The following PLCXD3 variants were observed in gnomAD, a reference collection of about 807,000 sequenced individuals.
The protein encoded by PLCXD3 is PI-PLC X domain-containing protein 3.
PLCXD3 carries 19 observed loss-of-function variants against 25.5 expected under a neutral mutation model. The observed-to-expected ratio is 0.75, with a 90% CI of 0.52 to 1.09. The LOEUF (loss-of-function observed/expected upper bound fraction) is 1.09, where lower values mean the gene tolerates loss of function less well. Among genes scored for constraint, PLCXD3 ranks in the 50% least tolerant of loss-of-function variants. The pLI is 0.00. For missense variants in PLCXD3, 411 were observed against 388.1 expected, an observed-to-expected ratio of 1.06 and a Z score of -0.50; for synonymous variants, 174 against 137.6, an observed-to-expected ratio of 1.26 and a Z score of -1.85.
intron 1 of PLCXD3, among the ~76,000 whole-genome samples, chr5:41,467,844 C>G (rs1211144537): frequency 6.6e-6 from 1 of 152,016 alleles, no homozygotes; most frequent in African/African-American, 2.4e-5. Flanking sequence ...TTCTTGGCAG[C>G]TTTGCCAAAA....
intron 1 of PLCXD3, among the ~76,000 whole-genome samples, chr5:41,464,418 C>T (rs1027210736): frequency 6.6e-6 from 1 of 151,922 alleles, no homozygotes; most frequent in Non-Finnish European, 1.5e-5. Context: ...AATGCATATG[C>T]TGAAAATAGA....
intron 1 of PLCXD3, among the ~76,000 whole-genome samples, chr5:41,495,828 C>T (rs2150527114): frequency 6.6e-6 from 1 of 151,236 alleles, no homozygotes; most frequent in South Asian, 2.1e-4. Context: ...GCATAAATAC[C>T]AACACAAAGG....
intron 2 of PLCXD3, among the ~76,000 whole-genome samples, chr5:41,378,357 C>A (rs563239384): frequency 6.6e-6 from 1 of 152,196 alleles, no homozygotes; most frequent in East Asian, 1.9e-4. Flanking sequence ...GGCTAAACTC[C>A]ACTGGAGAGT....
At chr5:41,428,374 G>GTTTTTTTTTTTTTTTTTTTTTTTTTTTTT (rs373244601) in intron 1 of PLCXD3, among the ~76,000 whole-genome samples, 1 of 91,600 alleles carries the variant, frequency 1.1e-5, no homozygotes, top group African/African-American at 4.0e-5. Context: ...GTTAAAATGA[G>GTTTTTTTTTTTTTTTTTTTTTTTTTTTTT]TTTTTTTGTT....
chr5:41,399,243 C>A (rs1438471230), intron 1 of PLCXD3, among the ~76,000 whole-genome samples: 1 of 152,142 alleles, frequency 6.6e-6, no homozygotes, highest in Non-Finnish European at 1.5e-5. Flanking sequence ...TTGGAAGAAT[C>A]ACTATTGTGA....
chr5:41,473,251 G>A (rs963067113), intron 1 of PLCXD3, among the ~76,000 whole-genome samples: 16 of 151,546 alleles, frequency 1.1e-4, no homozygotes, highest in Admixed American at 9.2e-4. Context: ...TAACATCTTG[G>A]GCCTTTAATG....
intron 2 of PLCXD3, 98 bp downstream of exon 2, chr5:41,381,728 A>G (rs1745466220): frequency 1.8e-6 from 2 of 1,142,314 alleles, no homozygotes; most frequent in Non-Finnish European, 2.5e-6. Flanking sequence ...CCAGGGACCT[A>G]ATATACATAG....
chr5:41,314,746 C>A (rs1405327829), intron 2 of PLCXD3, among the ~76,000 whole-genome samples: 2 of 152,026 alleles, frequency 1.3e-5, no homozygotes, highest in Admixed American at 6.6e-5. Context: ...GAAAAGGGGG[C>A]AGATTCTGTA....
At chr5:41,374,135 G>T (rs1745208803) in intron 2 of PLCXD3, among the ~76,000 whole-genome samples, 1 of 152,078 alleles carries the variant, frequency 6.6e-6, no homozygotes, top group African/African-American at 2.4e-5. Flanking sequence ...CTAAAACCAG[G>T]TTATTTTGTC....
At position 41,311,148 on chromosome 5, in the gene PLCXD3, G is replaced by T. The variant is rs1743127829; in HGVS notation, c.*2469C>A. On this transcript the variant is annotated 3_prime_UTR_variant, in exon 3 of 3. Coordinates refer to ENST00000377801, the MANE Select transcript of PLCXD3 (RefSeq NM_001005473.3). ...TGTCATTGCAAATATTCTTGGCTAA[G>T]ATCCTCCTGAAGGATGAATGAATAG... 1 of 152,056 alleles carries T rather than the reference G, an allele frequency of 6.6e-6. No homozygotes were observed. Among genetic ancestry groups the T allele is most frequent in the African/African-American group, 2.4e-5 (1 of 41,414 alleles). 9.4% of individuals were successfully genotyped at this position (152,056 alleles called of 1,614,324 possible).
intron 1 of PLCXD3, among the ~76,000 whole-genome samples, chr5:41,428,374 G>GTTTTTTTTTTT (rs373244601): frequency 1.1e-5 from 1 of 91,598 alleles, no homozygotes. Context: ...GTTAAAATGA[G>GTTTTTTTTTTT]TTTTTTTGTT....
chr5:41,466,410 A>T (rs1748018900), intron 1 of PLCXD3, among the ~76,000 whole-genome samples: 1 of 152,094 alleles, frequency 6.6e-6, no homozygotes, highest in African/African-American at 2.4e-5. Context: ...TATTTAAAAA[A>T]TTATTATTTT....
At chr5:41,328,526 G>T (rs952883457) in intron 2 of PLCXD3, among the ~76,000 whole-genome samples, 2 of 152,144 alleles carry the variant, frequency 1.3e-5, no homozygotes, top group Non-Finnish European at 2.9e-5. Flanking sequence ...GCACATGTCC[G>T]AGTATCCTTT....
At chr5:41,423,615 T>C (rs1746879836) in intron 1 of PLCXD3, among the ~76,000 whole-genome samples, 1 of 152,100 alleles carries the variant, frequency 6.6e-6, no homozygotes, top group South Asian at 2.1e-4. Context: ...ATATTATTAC[T>C]TTATATATTT....
intron 2 of PLCXD3, among the ~76,000 whole-genome samples, chr5:41,353,217 C>G (rs1177052970): frequency 1.3e-5 from 2 of 151,694 alleles, no homozygotes; most frequent in Admixed American, 6.6e-5. Flanking sequence ...CTCAGCCTCC[C>G]GAGTAGCTGG....
intron 1 of PLCXD3, among the ~76,000 whole-genome samples, chr5:41,438,076 G>A (rs145345680): frequency 7.3e-4 from 111 of 152,160 alleles, no homozygotes; most frequent in African/African-American, 2.6e-3. Flanking sequence ...GCTTTGGTTT[G>A]TTCTGCCTTA....
intron 1 of PLCXD3, among the ~76,000 whole-genome samples, chr5:41,489,969 A>T (rs1487954824): frequency 2.6e-5 from 4 of 151,924 alleles, no homozygotes; most frequent in Non-Finnish European, 4.4e-5. Flanking sequence ...TTCCAACACT[A>T]TGTTGAATAG....
At chr5:41,483,178 A>T (rs1462631710) in intron 1 of PLCXD3, among the ~76,000 whole-genome samples, 2 of 152,194 alleles carry the variant, frequency 1.3e-5, no homozygotes, top group African/African-American at 4.8e-5. Flanking sequence ...ATCTCATCAG[A>T]ACAAAATACA....
chr5:41,399,785 C>A (rs1329791712), intron 1 of PLCXD3, among the ~76,000 whole-genome samples: 1 of 152,040 alleles, frequency 6.6e-6, no homozygotes, highest in Admixed American at 6.5e-5. Flanking sequence ...ATGGTGTGGG[C>A]AAACATTTCT....
Sources: allele counts gnomAD v4.1 joint callset (sites outside exome capture counted in the v4.1 genomes callset), GRCh38; gene constraint gnomAD v4.1.1; transcripts MANE v1.5; gene names NCBI Gene and HGNC (gene_info 2026-07-23, HGNC 2026-07-21).